ZNF248: variants seen among roughly 807,000 people sequenced by gnomAD.
ZNF248 encodes zinc finger protein 248, also known as KRAB protein domain.
Under a neutral mutation model 44.3 loss-of-function variants are expected in ZNF248, and 20 were observed. That is an observed-to-expected ratio of 0.45 (90% CI 0.32 to 0.66). The LOEUF (loss-of-function observed/expected upper bound fraction) is 0.66, where lower values mean the gene tolerates loss of function less well. ZNF248 is among the 30% of genes least tolerant of loss of function. The pLI is 0.04. For missense variants in ZNF248, 654 were observed against 677.0 expected (o/e 0.97, Z 0.38); for synonymous variants, 224 against 229.0 (o/e 0.98, Z 0.20).
At chr10:37,788,332 A>C (rs1372419295) in intron 6 of ZNF248, among the ~76,000 whole-genome samples, 1 of 151,162 alleles carries the variant, frequency 6.6e-6, no homozygotes, top group Non-Finnish European at 1.5e-5. Context: ...AAATATACAA[A>C]TGCAAGGGCC....
chr10:37,762,847 A>G, the ZNF248 span, among the ~76,000 whole-genome samples: 1 of 152,212 alleles, frequency 6.6e-6, no homozygotes, highest in African/African-American at 2.4e-5. Flanking sequence ...TACAATGAGC[A>G]TTACCATTCT....
the ZNF248 span, among the ~76,000 whole-genome samples, chr10:37,761,828 A>C: frequency 6.6e-6 from 1 of 152,232 alleles, no homozygotes; most frequent in Non-Finnish European, 1.5e-5. Context: ...CAACTAAACC[A>C]GTATAATGAG....
chr10:37,818,652 GC>G, intron 6 of ZNF248: 1 of 509,600 alleles, frequency 2.0e-6, no homozygotes. Flanking sequence ...TGCAATAGCA[GC>G]CCCAGCAGGG....
chr10:37,792,623 T>C (rs2048694708), intron 6 of ZNF248, among the ~76,000 whole-genome samples: 1 of 152,180 alleles, frequency 6.6e-6, no homozygotes, highest in Admixed American at 6.5e-5. Flanking sequence ...CCAACAGTCA[T>C]GTTGGTATCA....
At chr10:37,776,975 T>A (rs1354217813) in intron 6 of ZNF248, among the ~76,000 whole-genome samples, 1 of 152,162 alleles carries the variant, frequency 6.6e-6, no homozygotes. Context: ...AAAAAAGTAT[T>A]TTCAAAATAC....
At chr10:37,851,768 CAAAAAAAAAAAAAAA>C (rs57501241) in intron 3 of ZNF248, among the ~76,000 whole-genome samples, 11 of 32,062 alleles carry the variant, frequency 3.4e-4, no homozygotes, top group Non-Finnish European at 2.2e-4. Flanking sequence ...TCAGAATGAC[CAAAAAAAAAAAAAAA>C]AAAAAAAAAA....
At chr10:37,817,954 C>A (rs1477149442) in intron 6 of ZNF248, among the ~76,000 whole-genome samples, 1 of 152,048 alleles carries the variant, frequency 6.6e-6, no homozygotes, top group African/African-American at 2.4e-5. Context: ...GTCACTCTGT[C>A]GCCCAGGCTG....
chr10:37,845,991 C>T (rs923073938), intron 3 of ZNF248, among the ~76,000 whole-genome samples: 3 of 152,130 alleles, frequency 2.0e-5, no homozygotes, highest in Non-Finnish European at 2.9e-5. Flanking sequence ...GGGCAGCTGG[C>T]GAAATCAATG....
chr10:37,822,449 G>C (rs1814526855), intron 6 of ZNF248, among the ~76,000 whole-genome samples: 1 of 152,032 alleles, frequency 6.6e-6, no homozygotes, highest in African/African-American at 2.4e-5. Flanking sequence ...TAAAAGAAAT[G>C]ATTCATCCTC....
intron 6 of ZNF248, among the ~76,000 whole-genome samples, chr10:37,778,536 T>C (rs1460391461): frequency 2.0e-5 from 3 of 152,050 alleles, no homozygotes; most frequent in Non-Finnish European, 4.4e-5. Flanking sequence ...AGCTCTTTAG[T>C]TTAATTAGAT....
At chr10:37,841,213 T>C (rs532931999) in intron 3 of ZNF248, among the ~76,000 whole-genome samples, 49 of 152,326 alleles carry the variant, frequency 3.2e-4, no homozygotes, top group African/African-American at 1.2e-3. Context: ...AATGTGCACA[T>C]TTCTAAAGAT....
chr10:37,798,840 G>A (rs925030472), intron 6 of ZNF248, among the ~76,000 whole-genome samples: 1 of 152,078 alleles, frequency 6.6e-6, no homozygotes, highest in Non-Finnish European at 1.5e-5. Context: ...TTCACATTGT[G>A]TATGATTTAT....
chr10:37,831,858 T>G lies in ZNF248; in HGVS notation c.1497A>C (p.Lys499Asn). 6.2e-7 allele frequency: 1 copy of G among 1,613,946 alleles called. No homozygotes were observed. The part of the protein sequence containing the change: ...EKPFICNECG[K>N]SFCVKSNLIV... ...TGAGGTTTGACTTCACACAGAAGGA[T>G]TTTCCACATTCATTACATATAAACG... Residue 499 changes from lysine to asparagine, a missense_variant, in exon 6 of 6, where the codon AAA becomes AAC. By Grantham distance (94) the Lys-to-Asn change is moderately conservative. Coordinates refer to ENST00000395867, the MANE Select transcript of ZNF248 (RefSeq NM_021045.3).
intron 3 of ZNF248, among the ~76,000 whole-genome samples, chr10:37,839,754 G>A (rs1425550074): frequency 6.6e-6 from 1 of 152,158 alleles, no homozygotes; most frequent in Non-Finnish European, 1.5e-5. Context: ...TGTAAGTACT[G>A]ATGGATCAAG....
intron 3 of ZNF248, among the ~76,000 whole-genome samples, chr10:37,852,670 A>G (rs980413385): frequency 6.7e-6 from 1 of 149,032 alleles, no homozygotes; most frequent in Non-Finnish European, 1.5e-5. Context: ...GATACAATAT[A>G]TATTTATATA....
intron 6 of ZNF248, among the ~76,000 whole-genome samples, chr10:37,813,103 T>A (rs1208701): frequency 6.6e-6 from 1 of 151,050 alleles, no homozygotes; most frequent in Non-Finnish European, 1.5e-5. Flanking sequence ...CAAGATCTCA[T>A]AGACTTCACA....
At chr10:37,828,465 ACT>A (rs1413566441), downstream of ZNF248, among the ~76,000 whole-genome samples, 1 of 152,100 alleles carries the variant, frequency 6.6e-6, no homozygotes, top group African/African-American at 2.4e-5. Flanking sequence ...AAGGACACAA[ACT>A]CTCTGGTCTA....
intron 6 of ZNF248, among the ~76,000 whole-genome samples, chr10:37,790,687 C>A (rs894837056): frequency 6.7e-6 from 1 of 149,046 alleles, no homozygotes; most frequent in Non-Finnish European, 1.5e-5. Context: ...TCCAGCCTGG[C>A]GACAGAGCGA....
chr10:37,820,177 T>G (rs1480004290), intron 6 of ZNF248: 40 of 1,213,004 alleles, frequency 3.3e-5, no homozygotes, highest in Non-Finnish European at 4.7e-5. Flanking sequence ...GAATTCTTAC[T>G]GTTTTCTAGT....
Sources: gnomAD v4.1 joint callset for allele counts (sites outside exome capture counted in the v4.1 genomes callset) on GRCh38, gnomAD v4.1.1 for gene constraint, MANE v1.5 for transcripts, NCBI Gene and HGNC (gene_info 2026-07-23, HGNC 2026-07-21) for gene names.